The following NRXN3 variants were observed in gnomAD, a reference collection of about 807,000 sequenced individuals.
NRXN3 encodes the protein neurexin 3.
A neutral mutation model predicts 137.6 loss-of-function variants in NRXN3; 32 were observed. That is an observed-to-expected ratio of 0.23 (90% CI 0.18 to 0.31). The LOEUF (loss-of-function observed/expected upper bound fraction) is 0.31, where lower values mean the gene tolerates loss of function less well. Among genes scored for constraint, NRXN3 ranks in the 10% least tolerant of loss-of-function variants. The pLI is 1.00. For missense variants in NRXN3, 1,574 were observed against 2,062.5 expected, an observed-to-expected ratio of 0.76 and a Z score of 4.59; for synonymous variants, 798 against 784.5, an observed-to-expected ratio of 1.02 and a Z score of -0.29.
chr14:78,764,292 G>A (rs2098701745), intron 8 of NRXN3, among the ~76,000 whole-genome samples: 1 of 152,210 alleles, frequency 6.6e-6, no homozygotes, highest in South Asian at 2.1e-4. Flanking sequence ...CAGAAGTAAT[G>A]ACCAAAGGAG....
In NRXN3 at chr14:79,663,985, G is replaced by A. The variant is rs201092321; in HGVS notation, c.3616+36G>A. The A allele has an allele frequency of 1.5e-4, 233 of 1,604,088 alleles. 1 individual carries two copies. Among genetic ancestry groups the A allele is most frequent in the Middle Eastern group, 8.3e-4 (5 of 6,008 alleles). ...TTCGCTCAATGGTCCTACTCTTTTT[G>A]ACTCTCCCATTCTCACTTTTCAGTG... On this transcript the variant is annotated intron_variant, in intron 17 of 20. Transcript: ENST00000335750.
intron 6 of NRXN3, among the ~76,000 whole-genome samples, chr14:78,653,190 T>C (rs1038045029): frequency 3.9e-5 from 6 of 152,206 alleles, no homozygotes; most frequent in African/African-American, 1.4e-4. Flanking sequence ...AGGCTTCTGC[T>C]GGCTTCAGAG....
At chr14:79,367,782 G>A (rs2093950388) in intron 15 of NRXN3, among the ~76,000 whole-genome samples, 1 of 152,126 alleles carries the variant, frequency 6.6e-6, no homozygotes, top group Non-Finnish European at 1.5e-5. Flanking sequence ...TAAGTGGCAG[G>A]CTTGGGATTT....
intron 19 of NRXN3, among the ~76,000 whole-genome samples, chr14:79,798,906 G>A (rs1302965826): frequency 6.6e-6 from 1 of 152,140 alleles, no homozygotes; most frequent in South Asian, 2.1e-4. Context: ...ATAATTAGAA[G>A]CCAATGATTA....
At chr14:79,174,303 T>G (rs1320286909) in intron 15 of NRXN3, among the ~76,000 whole-genome samples, 1 of 152,064 alleles carries the variant, frequency 6.6e-6, no homozygotes, top group Non-Finnish European at 1.5e-5. Flanking sequence ...CTTAAACCAA[T>G]GAAAAGATGC....
At chr14:79,208,343 C>G (rs2067107100) in intron 15 of NRXN3, among the ~76,000 whole-genome samples, 1 of 152,148 alleles carries the variant, frequency 6.6e-6, no homozygotes, top group Non-Finnish European at 1.5e-5. Context: ...TCATTAGGCT[C>G]TATGCCATCA....
intron 10 of NRXN3, among the ~76,000 whole-genome samples, chr14:78,909,480 AT>A (rs1398470437): frequency 6.6e-6 from 1 of 152,148 alleles, no homozygotes; most frequent in African/African-American, 2.4e-5. Context: ...CAATAGCAAG[AT>A]CTTTTTCATT....
chr14:78,902,725 A>G (rs1311214864), intron 10 of NRXN3, among the ~76,000 whole-genome samples: 1 of 152,012 alleles, frequency 6.6e-6, no homozygotes, highest in Non-Finnish European at 1.5e-5. Context: ...ATCCTTGTCT[A>G]ACTGAGTCCA....
At chr14:78,722,968 G>A (rs1467726725) in intron 8 of NRXN3, among the ~76,000 whole-genome samples, 3 of 152,102 alleles carry the variant, frequency 2.0e-5, no homozygotes, top group Non-Finnish European at 2.9e-5. Flanking sequence ...AGGAACAGAT[G>A]TATAAAGGTG....
At chr14:79,102,775 A>G (rs2051588805) in intron 15 of NRXN3, among the ~76,000 whole-genome samples, 1 of 152,174 alleles carries the variant, frequency 6.6e-6, no homozygotes, top group African/African-American at 2.4e-5. Flanking sequence ...AGGACATCAT[A>G]GGACAAGGGA....
At chr14:78,925,412 T>C (rs2099284922) in intron 10 of NRXN3, among the ~76,000 whole-genome samples, 1 of 152,192 alleles carries the variant, frequency 6.6e-6, no homozygotes. Context: ...ACACTTGCCA[T>C]GGTACACTTC....
At chr14:78,268,598 G>A (rs2072205574) in intron 2 of NRXN3, among the ~76,000 whole-genome samples, 1 of 152,164 alleles carries the variant, frequency 6.6e-6, no homozygotes, top group Non-Finnish European at 1.5e-5. Context: ...AAATATTTGT[G>A]GATGGAAGTA....
At chr14:78,283,281 C>T (rs2074674326) in intron 3 of NRXN3, 1 of 152,126 alleles carries the variant, frequency 6.6e-6, no homozygotes, top group African/African-American at 2.4e-5. Flanking sequence ...TAGGATGGAG[C>T]AGGAGTTGGC....
At chr14:78,621,367 T>G (rs896584601) in intron 4 of NRXN3, among the ~76,000 whole-genome samples, 47 of 152,294 alleles carry the variant, frequency 3.1e-4, no homozygotes, top group Admixed American at 1.3e-4. Context: ...GAGAGGAGGA[T>G]TTATAAAACA....
intron 4 of NRXN3, among the ~76,000 whole-genome samples, chr14:78,417,508 G>A (rs2153671453): frequency 6.6e-6 from 1 of 152,214 alleles, no homozygotes; most frequent in Non-Finnish European, 1.5e-5. Flanking sequence ...ACTTATTTAG[G>A]CCTGTAGCTC....
chr14:78,555,837 T>C (rs1392995939), intron 4 of NRXN3, among the ~76,000 whole-genome samples: 1 of 152,220 alleles, frequency 6.6e-6, no homozygotes, highest in Non-Finnish European at 1.5e-5. Context: ...GGGGAAACCA[T>C]GTGTCCTAGA....
At chr14:79,376,441 C>A (rs2094305076) in intron 15 of NRXN3, among the ~76,000 whole-genome samples, 1 of 151,766 alleles carries the variant, frequency 6.6e-6, no homozygotes, top group Non-Finnish European at 1.5e-5. Context: ...AATCCTCATC[C>A]TCCAATTAAT....
At chr14:78,416,754 T>C (rs1216096385) in intron 4 of NRXN3, among the ~76,000 whole-genome samples, 6 of 152,210 alleles carry the variant, frequency 3.9e-5, no homozygotes, top group Non-Finnish European at 7.3e-5. Context: ...CATTTGCTTG[T>C]CCACAGTCAG....
Position 78,313,619 on chromosome 14 carries a change from C to T in NRXN3, c.757+15759C>T, listed in dbSNP as rs114953057. ...GCTAGTTACAGAGCTAGCAGCAGAA[C>T]CAAGATAAACTGAGCTTTGTCTGAC... On this transcript the variant is annotated intron_variant, in intron 4 of 20. Coordinates refer to ENST00000335750, the MANE Select transcript of NRXN3 (RefSeq NM_001330195.2). 4.8e-3 allele frequency among the ~76,000 whole-genome samples: 723 copies of T among 152,202 alleles called. 3 individuals carry two copies. The highest frequency in any genetic ancestry group is 0.016 in the African/African-American group (684 of 41,520).
Sources: allele counts gnomAD v4.1 joint callset (sites outside exome capture counted in the v4.1 genomes callset), GRCh38; gene constraint gnomAD v4.1.1; transcripts MANE v1.5; gene names NCBI Gene and HGNC (gene_info 2026-07-23, HGNC 2026-07-21).